The following EPS15 variants were observed in gnomAD, a reference collection of about 807,000 sequenced individuals.
EPS15 encodes the protein epidermal growth factor receptor pathway substrate 15.
In EPS15, 72 loss-of-function variants were observed where a neutral mutation model predicts 113.8. The ratio of observed to expected loss-of-function variants is 0.63; its 90% CI spans 0.52 to 0.77. EPS15 has a LOEUF of 0.77. Ranked by LOEUF, EPS15 falls within the 30% of genes least tolerant of loss-of-function variation. EPS15 has a pLI of 0.00. For synonymous variants in EPS15, 344 were observed against 363.4 expected (o/e 0.95, Z 0.61); for missense variants, 1,048 against 1,045.8 (o/e 1.00, Z -0.03).
At chr1:51,487,627 T>A (rs1644149451) in intron 1 of EPS15, among the ~76,000 whole-genome samples, 1 of 152,186 alleles carries the variant, frequency 6.6e-6, no homozygotes, top group Non-Finnish European at 1.5e-5. Flanking sequence ...AATTGGATTT[T>A]TTGAATACAG....
chr1:51,452,801 C>G (rs928528045), intron 8 of EPS15, among the ~76,000 whole-genome samples: 2 of 152,190 alleles, frequency 1.3e-5, no homozygotes, highest in African/African-American at 4.8e-5. Flanking sequence ...AGCGATAAAA[C>G]TAAACCTTAA....
Position 51,513,739 on chromosome 1 carries a change from CTT to C in EPS15, c.33+5458_33+5459del, listed in dbSNP as rs1462228684. 2.0e-5 allele frequency among the ~76,000 whole-genome samples: 3 copies of C among 152,110 alleles called. No homozygotes were observed. In the East Asian group the frequency reaches 5.8e-4, roughly 29 times the overall value. ...ATAATAGCTTAGTTCATAGGTTACG[CTT>C]TGTTAAGTTATAAAGCAGCACAAAA... On this transcript the variant is annotated intron_variant, in intron 1 of 24. Transcript: ENST00000371733.
chr1:51,393,906 A>G (rs1246289908), intron 21 of EPS15, among the ~76,000 whole-genome samples: 2 of 152,240 alleles, frequency 1.3e-5, no homozygotes, highest in East Asian at 3.8e-4. Context: ...AAAGTTATTA[A>G]AAGAATAAAT....
At chr1:51,430,249 A>G (rs1165733852) in intron 12 of EPS15, among the ~76,000 whole-genome samples, 1 of 152,156 alleles carries the variant, frequency 6.6e-6, no homozygotes, top group African/African-American at 2.4e-5. Context: ...ACAATTTGAA[A>G]GTTACATGAC....
At chr1:51,397,965 G>T (rs1158276368) in intron 20 of EPS15, among the ~76,000 whole-genome samples, 2 of 151,656 alleles carry the variant, frequency 1.3e-5, no homozygotes, top group Non-Finnish European at 2.9e-5. Flanking sequence ...CCTAACTATT[G>T]AAATTGGGTA....
chr1:51,357,419 TATATATA>T lies in EPS15; in HGVS notation c.2545-580_2545-574del, dbSNP rs1412301477. Among the ~76,000 whole-genome samples, 161 of 65,666 alleles carry T rather than the reference TATATATA, an allele frequency of 2.5e-3. 1 individual carries two copies. Among genetic ancestry groups the T allele is most frequent in the Non-Finnish European group, 3.3e-3 (130 of 39,214 alleles). 43.1% of individuals were successfully genotyped at this position (65,666 alleles called of 152,430 possible). On this transcript the variant is annotated intron_variant, in intron 24 of 24. Transcript: ENST00000371733. ...ATATATATATATATATATATATATA[TATATATA>T]TTTTTTTTTTTTAAATGTGATATAT...
intron 2 of EPS15, among the ~76,000 whole-genome samples, chr1:51,473,802 A>C (rs1457127701): frequency 6.6e-6 from 1 of 152,220 alleles, no homozygotes; most frequent in Admixed American, 6.5e-5. Context: ...CATTCTAGAC[A>C]GTCCAATCCT....
At position 51,447,052 on chromosome 1, in the gene EPS15, A is replaced by G; in HGVS notation, c.705T>C (p.Thr235=). The change falls in exon 10 of 25, where the codon ACT becomes ACC. Residue 235 remains threonine (T), a synonymous_variant. Transcript: ENST00000371733. ...KAKYDEIFLK[T]DKDMDGFVSG... is the part of the protein sequence containing the mutation. The stretch of plus-strand genomic sequence containing the variant: ...ACACAAATCCGTCCATATCTTTATC[A>G]GTTTTCAGGAAGATTTCATCATATT... 1 of 1,613,664 alleles carries G rather than the reference A, an allele frequency of 6.2e-7. No homozygotes were observed. Among genetic ancestry groups the G allele is most frequent in the Non-Finnish European group, 8.5e-7 (1 of 1,179,700 alleles).
intron 24 of EPS15, among the ~76,000 whole-genome samples, chr1:51,358,785 C>T (rs557272903): frequency 6.6e-6 from 1 of 150,856 alleles, no homozygotes; most frequent in Admixed American, 6.6e-5. Flanking sequence ...TCAGCTCCCG[C>T]AACCTCTGCC....
intron 13 of EPS15, among the ~76,000 whole-genome samples, chr1:51,415,832 T>A (rs562638498): frequency 8.9e-4 from 92 of 102,900 alleles, no homozygotes; most frequent in Non-Finnish European, 1.6e-3. Flanking sequence ...AAAAAAAAAA[T>A]TCCAACACTA....
At chr1:51,459,934 C>T (rs1050406647) in intron 8 of EPS15, among the ~76,000 whole-genome samples, 19 of 150,696 alleles carry the variant, frequency 1.3e-4, no homozygotes, top group African/African-American at 1.7e-4. Context: ...TACTCATCTC[C>T]GAGAAATTTA....
intron 8 of EPS15, among the ~76,000 whole-genome samples, chr1:51,460,370 A>T (rs954135681): frequency 6.6e-6 from 1 of 152,236 alleles, no homozygotes; most frequent in African/African-American, 2.4e-5. Context: ...TAAAATGTCA[A>T]AACTTTTCTG....
intron 11 of EPS15, among the ~76,000 whole-genome samples, chr1:51,440,766 C>T (rs911618627): frequency 2.6e-5 from 4 of 151,996 alleles, no homozygotes; most frequent in Non-Finnish European, 5.9e-5. Flanking sequence ...TAAACTAATT[C>T]CTCCACTGAA....
At chr1:51,371,705 G>A (rs1026856187) in intron 21 of EPS15, among the ~76,000 whole-genome samples, 1 of 152,086 alleles carries the variant, frequency 6.6e-6, no homozygotes, top group Non-Finnish European at 1.5e-5. Context: ...GAAGAAAAAT[G>A]TTTTTTATAA....
At chr1:51,441,936 A>C (rs1462821665) in intron 11 of EPS15, among the ~76,000 whole-genome samples, 2 of 152,112 alleles carry the variant, frequency 1.3e-5, no homozygotes, top group African/African-American at 4.8e-5. Context: ...ACATCAATAA[A>C]ATTTGGCAAG....
intron 12 of EPS15, among the ~76,000 whole-genome samples, chr1:51,431,119 C>G (rs1227393207): frequency 6.6e-6 from 1 of 151,496 alleles, no homozygotes; most frequent in African/African-American, 2.4e-5. Flanking sequence ...ATATTCCAAA[C>G]AAGATTGTAG....
intron 8 of EPS15, among the ~76,000 whole-genome samples, chr1:51,456,091 T>C (rs1052517040): frequency 6.6e-6 from 1 of 152,182 alleles, no homozygotes; most frequent in African/African-American, 2.4e-5. Flanking sequence ...ACAGAAGTTA[T>C]ACAGGTTAGA....
chr1:51,372,015 C>T (rs889676262), intron 21 of EPS15, among the ~76,000 whole-genome samples: 5 of 152,174 alleles, frequency 3.3e-5, no homozygotes, highest in South Asian at 2.1e-4. Flanking sequence ...GGCTATATGA[C>T]GAATAGCCTA....
intron 21 of EPS15, 93 bp downstream of exon 21, chr1:51,394,288 T>C: frequency 1.4e-6 from 1 of 740,664 alleles, no homozygotes; most frequent in Admixed American, 3.0e-5. Context: ...TTTAAAGCTA[T>C]AAATAACAGG....
Sources: gnomAD v4.1 joint callset for allele counts (sites outside exome capture counted in the v4.1 genomes callset) on GRCh38, gnomAD v4.1.1 for gene constraint, MANE v1.5 for transcripts, NCBI Gene and HGNC (gene_info 2026-07-23, HGNC 2026-07-21) for gene names.